Variants in PTPRD observed in about 807,000 individuals in gnomAD.
PTPRD encodes protein tyrosine phosphatase receptor type D.
PTPRD carries 34 observed loss-of-function variants against 214.5 expected under a neutral mutation model. That is an observed-to-expected ratio of 0.16 (90% CI 0.12 to 0.21). The LOEUF (loss-of-function observed/expected upper bound fraction) is 0.21. Ranked by LOEUF, PTPRD falls within the 10% of genes least tolerant of loss-of-function variation. The pLI is 1.00. For synonymous variants in PTPRD, 1,128 were observed against 845.7 expected (o/e 1.33, Z -5.79); for missense variants, 2,545 against 2,398.7 (o/e 1.06, Z -1.27).
intron 2 of PTPRD, among the ~76,000 whole-genome samples, chr9:10,360,625 G>C (rs545794583): frequency 6.6e-6 from 1 of 152,102 alleles, no homozygotes; most frequent in African/African-American, 2.4e-5. Flanking sequence ...CAGACCAGAA[G>C]TTTTCTAATA....
chr9:8,895,623 G>A (rs1008315580), intron 11 of PTPRD, among the ~76,000 whole-genome samples: 7 of 152,136 alleles, frequency 4.6e-5, no homozygotes, highest in African/African-American at 9.7e-5. Flanking sequence ...TGCAATTCCT[G>A]TGCCCTGCAT....
intron 6 of PTPRD, among the ~76,000 whole-genome samples, chr9:9,754,998 C>T (rs940832937): frequency 6.6e-6 from 1 of 151,972 alleles, no homozygotes; most frequent in Non-Finnish European, 1.5e-5. Context: ...ATTTGCGAAT[C>T]AGCTGCTTTG....
At chr9:8,837,023 A>AG (rs2097442436) in intron 11 of PTPRD, among the ~76,000 whole-genome samples, 1 of 131,974 alleles carries the variant, frequency 7.6e-6, no homozygotes, top group African/African-American at 2.8e-5. Context: ...CACCACACCC[A>AG]GCTTTTTTTT....
chr9:10,542,037 G>A (rs1331966514), intron 2 of PTPRD, among the ~76,000 whole-genome samples: 1 of 152,006 alleles, frequency 6.6e-6, no homozygotes, highest in African/African-American at 2.4e-5. Flanking sequence ...AATGCACGTG[G>A]CCAATTATTT....
chr9:9,597,235 A>G (rs184258051), intron 7 of PTPRD, among the ~76,000 whole-genome samples: 1 of 152,102 alleles, frequency 6.6e-6, no homozygotes. Context: ...AACCTCCCCC[A>G]CCGCAGGATA....
intron 3 of PTPRD, among the ~76,000 whole-genome samples, chr9:10,124,412 A>G (rs114651155): frequency 0.011 from 1,673 of 152,312 alleles, 30 homozygotes; most frequent in African/African-American, 0.038. Context: ...GGAAGAATAT[A>G]ATACAACACA....
chr9:8,937,723 A>C (rs1169346184), intron 11 of PTPRD, among the ~76,000 whole-genome samples: 1 of 152,136 alleles, frequency 6.6e-6, no homozygotes, highest in Non-Finnish European at 1.5e-5. Flanking sequence ...CTTCTTACAA[A>C]AGCTTACAAT....
rs547254424 is a variant in PTPRD at position 10,241,268 on chromosome 9, G to A, written c.-545+99695C>T. On this transcript the variant is annotated intron_variant, in intron 3 of 45. Coordinates refer to ENST00000381196, the MANE Select transcript of PTPRD (RefSeq NM_002839.4). ...ACTAGTGGGAATGTAAAATGGTGCA[G>A]AAATTTTGTAAAATATTTCAACAGT... is the stretch of plus-strand genomic sequence containing the variant. 2.4e-3 allele frequency among the ~76,000 whole-genome samples: 360 copies of A among 152,054 alleles called. 1 individual carries two copies. Among genetic ancestry groups the A allele is most frequent in the Non-Finnish European group, 2.6e-3 (174 of 67,894 alleles).
chr9:10,062,044 T>A (rs1361725846), intron 3 of PTPRD, among the ~76,000 whole-genome samples: 2 of 151,656 alleles, frequency 1.3e-5, no homozygotes, highest in Non-Finnish European at 2.9e-5. Context: ...TGATTGATAC[T>A]GTTAAAAGAT....
intron 7 of PTPRD, among the ~76,000 whole-genome samples, chr9:9,716,615 C>T (rs2097838969): frequency 6.6e-6 from 1 of 152,172 alleles, no homozygotes; most frequent in Non-Finnish European, 1.5e-5. Flanking sequence ...TGATGGTGAG[C>T]ATTTTTTCAT....
At chr9:8,546,427 G>A (rs1227861299) in intron 14 of PTPRD, among the ~76,000 whole-genome samples, 6 of 152,076 alleles carry the variant, frequency 3.9e-5, no homozygotes, top group Non-Finnish European at 8.8e-5. Context: ...CTATATCCTC[G>A]TTCTCAAGAA....
intron 7 of PTPRD, among the ~76,000 whole-genome samples, chr9:9,592,229 T>G (rs1214639190): frequency 6.6e-6 from 1 of 152,108 alleles, no homozygotes; most frequent in Non-Finnish European, 1.5e-5. Context: ...TATGGCCTTT[T>G]GCCTAAATTA....
At chr9:9,618,949 A>C (rs1564096469) in intron 7 of PTPRD, among the ~76,000 whole-genome samples, 1 of 152,192 alleles carries the variant, frequency 6.6e-6, no homozygotes, top group African/African-American at 2.4e-5. Context: ...GTCCCAAGAC[A>C]TAGGAAAAAG....
intron 5 of PTPRD, among the ~76,000 whole-genome samples, chr9:9,912,706 G>A (rs1304560945): frequency 6.6e-6 from 1 of 152,162 alleles, no homozygotes; most frequent in African/African-American, 2.4e-5. Context: ...AATTACAACT[G>A]CACTAATAAA....
chr9:10,563,305 T>C (rs1462898449), intron 2 of PTPRD, among the ~76,000 whole-genome samples: 1 of 152,270 alleles, frequency 6.6e-6, no homozygotes, highest in South Asian at 2.1e-4. Flanking sequence ...AAGGTGTAAG[T>C]TCTAATGTGC....
chr9:8,848,001 T>C (rs1479594071), intron 11 of PTPRD, among the ~76,000 whole-genome samples: 1 of 152,104 alleles, frequency 6.6e-6, no homozygotes, highest in Non-Finnish European at 1.5e-5. Context: ...ATGCTTCTGA[T>C]TTCTTACCTG....
chr9:8,601,440 T>G (rs778888483), intron 14 of PTPRD, among the ~76,000 whole-genome samples: 1 of 152,168 alleles, frequency 6.6e-6, no homozygotes, highest in South Asian at 2.1e-4. Flanking sequence ...CAAGACTCAG[T>G]GCTATTCTTG....
chr9:8,725,136 G>A (rs1203179600), intron 12 of PTPRD, among the ~76,000 whole-genome samples: 3 of 152,104 alleles, frequency 2.0e-5, no homozygotes, highest in Non-Finnish European at 4.4e-5. Context: ...TTGTTGTAAT[G>A]TCTTTTAAGT....
chr9:10,474,851 C>A (rs1443802638), intron 2 of PTPRD, among the ~76,000 whole-genome samples: 1 of 152,092 alleles, frequency 6.6e-6, no homozygotes, highest in East Asian at 1.9e-4. Flanking sequence ...CACAGAACTA[C>A]ATGGAAACTG....
Sources: allele counts gnomAD v4.1 joint callset (sites outside exome capture counted in the v4.1 genomes callset), GRCh38; gene constraint gnomAD v4.1.1; transcripts MANE v1.5; gene names NCBI Gene and HGNC (gene_info 2026-07-23, HGNC 2026-07-21).